The following PCDHA4 variants were observed in gnomAD, a reference collection of about 807,000 sequenced individuals.
PCDHA4 encodes protocadherin alpha-4.
Under a neutral mutation model 61.4 loss-of-function variants are expected in PCDHA4, and 49 were observed. That is an observed-to-expected ratio of 0.80 (90% CI 0.63 to 1.01). PCDHA4 has a LOEUF of 1.01. Ranked by LOEUF, PCDHA4 falls within the 50% of genes least tolerant of loss-of-function variation. PCDHA4 has a pLI of 0.00. For synonymous variants in PCDHA4, 590 were observed against 550.3 expected (o/e 1.07, Z -1.01); for missense variants, 1,254 against 1,235.8 (o/e 1.01, Z -0.22).
chr5:140,830,561 A>T (rs1473385985), intron 1 of PCDHA4: 9 of 998,078 alleles, frequency 9.0e-6, no homozygotes, highest in Non-Finnish European at 1.2e-5. Flanking sequence ...TGTCTTCTAT[A>T]TTTCTGTTTT....
At chr5:141,007,258 A>G (rs1160413471) in intron 3 of PCDHA4, among the ~76,000 whole-genome samples, 1 of 152,110 alleles carries the variant, frequency 6.6e-6, no homozygotes, top group Non-Finnish European at 1.5e-5. Flanking sequence ...AGTTAAAAGA[A>G]GCAGATACAG....
chr5:140,879,064 G>C (rs1389510074), intron 1 of PCDHA4, among the ~76,000 whole-genome samples: 1 of 152,214 alleles, frequency 6.6e-6, no homozygotes, highest in South Asian at 2.1e-4. Flanking sequence ...TACCAAGAAA[G>C]TGTTAAGAGA....
At chr5:140,829,711 G>A (rs2150173108) in intron 1 of PCDHA4, 1 of 1,613,342 alleles carries the variant, frequency 6.2e-7, no homozygotes, top group Admixed American at 1.7e-5. Flanking sequence ...CGCGCGACGC[G>A]GGCGTGCCGC....
At chr5:140,844,484 A>G (rs1442751127) in intron 1 of PCDHA4, among the ~76,000 whole-genome samples, 1 of 149,426 alleles carries the variant, frequency 6.7e-6, no homozygotes, top group Non-Finnish European at 1.5e-5. Context: ...CTCTATGTTT[A>G]GGAAATGATT....
intron 1 of PCDHA4, chr5:140,830,370 C>G: frequency 2.5e-6 from 4 of 1,614,132 alleles, no homozygotes; most frequent in Non-Finnish European, 3.4e-6. Context: ...AGGGTGTGCT[C>G]CGGGGAGGGC....
At chr5:140,993,468 AC>A (rs2097564676) in intron 3 of PCDHA4, among the ~76,000 whole-genome samples, 1 of 69,412 alleles carries the variant, frequency 1.4e-5, no homozygotes, top group South Asian at 5.5e-4. Context: ...TTTCTCACAC[AC>A]ACACACACAC....
chr5:140,849,576 G>A (rs2150441030), intron 1 of PCDHA4: 3 of 1,598,698 alleles, frequency 1.9e-6, no homozygotes, highest in Non-Finnish European at 2.6e-6. Flanking sequence ...TCCTGTAAAA[G>A]AGGACGCACA....
rs145024223 is a variant in PCDHA4, at chr5:140,807,362, C to T, written c.175C>T (p.Leu59=). Residue 59 remains leucine (L), a synonymous_variant, in exon 1 of 4, where the codon CTG becomes TTG. Transcript: ENST00000530339. ...AQDLGLELAE[L]VPRLFRVASK... ...GGACCTGGGACTGGAGCTGGCGGAG[C>T]TGGTGCCGCGCCTGTTCCGGGTGGC... is the stretch of plus-strand genomic sequence containing the variant. The T allele has an allele frequency of 1.9e-6, 3 of 1,609,962 alleles. No homozygotes were observed. The highest frequency in any genetic ancestry group is 2.5e-6 in the Non-Finnish European group (3 of 1,179,038).
At chr5:140,956,717 A>C (rs2153710827) in intron 1 of PCDHA4, among the ~76,000 whole-genome samples, 1 of 152,308 alleles carries the variant, frequency 6.6e-6, no homozygotes. Flanking sequence ...CTTCAGAAGA[A>C]TTGGTACCAG....
rs146303235 is a variant in PCDHA4 at position 140,809,159 on chromosome 5, G to T, written c.1972G>T (p.Ala658Ser). ...ACTGGTGAAGGACCACGGCGAGCCC[G>T]CGCTGACGGCCACGGCCACTGTGCT... Reference protein sequence around the residue: ...LVLVKDHGEPALTATATVLVS... With the variant: ...LVLVKDHGEPSLTATATVLVS... Residue 658 changes from alanine (A) to serine (S), a missense_variant, in exon 1 of 4, where the codon GCG (alanine) becomes TCG (serine). By Grantham distance (99) the Ala-to-Ser change is moderately conservative. Transcript: ENST00000530339. The T allele has an allele frequency of 6.2e-6, 10 of 1,613,942 alleles. No homozygotes were observed. Among genetic ancestry groups the T allele is most frequent in the African/African-American group, 5.3e-5 (4 of 75,054 alleles).
At chr5:140,827,960 A>G (rs1769468579) in intron 1 of PCDHA4, 3 of 1,310,514 alleles carry the variant, frequency 2.3e-6, no homozygotes, top group Non-Finnish European at 3.1e-6. Context: ...AATTTCTTCT[A>G]TTACTGCATC....
chr5:140,875,571 C>T lies in PCDHA4; in HGVS notation c.2385+65999C>T, dbSNP rs782529259. The T allele has an allele frequency of 7.4e-6, 12 of 1,613,992 alleles. No individual in the cohort carries two copies. The Admixed American group carries it at 1.8e-4, about 25-fold the overall frequency. ...AGGTGGGGAGCGGCCAGCTCCACTACTCCGTCTACGAGGAGGCCAAACACG... is the reference window on the plus strand; with the variant it reads ...AGGTGGGGAGCGGCCAGCTCCACTATTCCGTCTACGAGGAGGCCAAACACG... On this transcript the variant is annotated intron_variant, in intron 1 of 3. Transcript: ENST00000530339.
intron 1 of PCDHA4, chr5:140,929,115 C>T: frequency 6.2e-7 from 1 of 1,614,136 alleles, no homozygotes. Context: ...CATCAGCCAC[C>T]ATAGATGTCA....
chr5:140,844,211 T>C (rs1162021656), intron 1 of PCDHA4, among the ~76,000 whole-genome samples: 1 of 149,836 alleles, frequency 6.7e-6, no homozygotes, highest in African/African-American at 2.4e-5. Flanking sequence ...TGTCTGGTAG[T>C]CACAAATATC....
At chr5:140,871,728 G>A in intron 1 of PCDHA4, 1 of 724,824 alleles carries the variant, frequency 1.4e-6, no homozygotes, top group South Asian at 2.4e-5. Flanking sequence ...CTTAATATTT[G>A]GTTAGCAAAT....
At chr5:140,934,196 C>T in intron 1 of PCDHA4, among the ~76,000 whole-genome samples, 1 of 152,068 alleles carries the variant, frequency 6.6e-6, no homozygotes, top group East Asian at 1.9e-4. Context: ...CTTTTCATTT[C>T]TATTTCCTCA....
chr5:140,828,200 G>A (rs2150152362), intron 1 of PCDHA4: 44 of 1,614,052 alleles, frequency 2.7e-5, no homozygotes, highest in Non-Finnish European at 3.6e-5. Context: ...CTCCGTACCC[G>A]AGGAGGCCAA....
chr5:140,810,523 T>G (rs782023770), intron 1 of PCDHA4: 1 of 152,260 alleles, frequency 6.6e-6, no homozygotes, highest in Non-Finnish European at 1.5e-5. Context: ...GCCATTTTAC[T>G]GGGTGACTTT....
intron 1 of PCDHA4, among the ~76,000 whole-genome samples, chr5:140,935,679 T>C (rs2090497566): frequency 6.6e-6 from 1 of 152,190 alleles, no homozygotes; most frequent in South Asian, 2.1e-4. Context: ...GTGAAATATT[T>C]ACATGGCTCC....
Sources: gnomAD v4.1 joint callset for allele counts (sites outside exome capture counted in the v4.1 genomes callset) on GRCh38, gnomAD v4.1.1 for gene constraint, MANE v1.5 for transcripts, NCBI Gene and HGNC (gene_info 2026-07-23, HGNC 2026-07-21) for gene names.